FAM184B: variants seen among roughly 807,000 people sequenced by gnomAD.
FAM184B encodes the protein protein FAM184B.
Under a neutral mutation model 135.9 loss-of-function variants are expected in FAM184B, and 111 were observed. That is an observed-to-expected ratio of 0.82 (90% CI 0.70 to 0.96). FAM184B has a LOEUF of 0.96. Ranked by LOEUF, FAM184B falls within the 40% of genes least tolerant of loss-of-function variation. The probability of loss-of-function intolerance (pLI) is 0.00; values close to 1 mark genes in which losing one functional copy is unlikely to be tolerated. For synonymous variants in FAM184B, 552 were observed against 524.8 expected, an observed-to-expected ratio of 1.05 and a Z score of -0.71; for missense variants, 1,375 against 1,323.9, an observed-to-expected ratio of 1.04 and a Z score of -0.60.
chr4:17,695,746 T>C (rs1011156889), intron 5 of FAM184B, among the ~76,000 whole-genome samples: 1 of 152,080 alleles, frequency 6.6e-6, no homozygotes, highest in African/African-American at 2.4e-5. Context: ...TCAGGGACCA[T>C]CTGAGGAGCT....
At chr4:17,735,665 CA>C (rs1191930804) in intron 1 of FAM184B, among the ~76,000 whole-genome samples, 1 of 149,960 alleles carries the variant, frequency 6.7e-6, no homozygotes, top group Non-Finnish European at 1.5e-5. Context: ...CTTCTCTATC[CA>C]ACCGTTCATT....
At chr4:17,741,841 G>C (rs1240267123) in intron 1 of FAM184B, among the ~76,000 whole-genome samples, 1 of 152,150 alleles carries the variant, frequency 6.6e-6, no homozygotes, top group African/African-American at 2.4e-5. Context: ...ATCTAAAATA[G>C]TGTGTTTATA....
intron 7 of FAM184B, 55 bp from the exon 8 acceptor site, chr4:17,664,714 CAGCT>C: frequency 7.3e-7 from 1 of 1,374,090 alleles, no homozygotes; most frequent in East Asian, 2.5e-5. Flanking sequence ...AGCTTAAGTA[CAGCT>C]TCATGATTCA....
At chr4:17,753,183 T>A (rs1718340431) in intron 1 of FAM184B, among the ~76,000 whole-genome samples, 1 of 152,180 alleles carries the variant, frequency 6.6e-6, no homozygotes, top group South Asian at 2.1e-4. Flanking sequence ...CTCCATTACC[T>A]CACACCCATC....
intron 10 of FAM184B, among the ~76,000 whole-genome samples, 176 bp from the exon 11 acceptor site, chr4:17,653,159 C>T (rs1219890502): frequency 6.6e-6 from 1 of 152,208 alleles, no homozygotes; most frequent in Non-Finnish European, 1.5e-5. Context: ...AGCCATTTTG[C>T]ACCAGGTGAA....
At chr4:17,633,632 C>T in intron 17 of FAM184B, 57 bp downstream of exon 17, 1 of 1,362,932 alleles carries the variant, frequency 7.3e-7, no homozygotes, top group Non-Finnish European at 9.6e-7. Flanking sequence ...AATCCTACTT[C>T]CCCTCTTATC....
chr4:17,709,058 G>A lies in FAM184B; in HGVS notation c.728C>T (p.Ala243Val). 6.5e-7 allele frequency: 1 copy of A among 1,550,288 alleles called. No individual in the cohort carries two copies. The highest frequency in any genetic ancestry group is 1.7e-4 in the Middle Eastern group (1 of 5,992). The change falls in exon 2 of 18, where the codon GCC (alanine) becomes GTC (valine). Residue 243 changes from alanine (A) to valine (V), a missense_variant. By Grantham distance (64) the Ala-to-Val change is moderately conservative. Coordinates refer to ENST00000265018, the MANE Select transcript of FAM184B (RefSeq NM_015688.2). ...RQAMQQSVSQALWQWQEKESD... is the reference protein window; with the variant it reads ...RQAMQQSVSQVLWQWQEKESD... ...CTCCTTCTCCTGCCACTGCCACAGG[G>A]CCTGGCTCACCGACTGCTGCATGGC... is the stretch of plus-strand genomic sequence containing the variant.
At chr4:17,709,677 G>T in intron 1 of FAM184B, 33 bp from the exon 2 acceptor site, 1 of 1,462,928 alleles carries the variant, frequency 6.8e-7, no homozygotes, top group Non-Finnish European at 9.0e-7. Flanking sequence ...CAGTTAGGGT[G>T]AGGGGGCTGG....
At chr4:17,691,558 C>T (rs946245430) in intron 6 of FAM184B, among the ~76,000 whole-genome samples, 7 of 151,918 alleles carry the variant, frequency 4.6e-5, no homozygotes, top group East Asian at 3.9e-4. Flanking sequence ...TGGTGGCATG[C>T]GCCTGTAATT....
intron 7 of FAM184B, among the ~76,000 whole-genome samples, chr4:17,668,484 G>T (rs10009933): frequency 0.31 from 47,376 of 152,038 alleles, 7,932 homozygotes; most frequent in Non-Finnish European, 0.37. Context: ...TCCTCTTGAA[G>T]TTCCCATAGC....
intron 14 of FAM184B, 102 bp downstream of exon 14, chr4:17,639,148 C>G (rs1046789558): frequency 2.4e-6 from 3 of 1,266,596 alleles, no homozygotes; most frequent in African/African-American, 1.5e-5. Flanking sequence ...CCAGGACTTT[C>G]AATTTGAAAA....
chr4:17,718,958 A>C (rs1046198128), intron 1 of FAM184B, among the ~76,000 whole-genome samples: 1 of 152,262 alleles, frequency 6.6e-6, no homozygotes, highest in Non-Finnish European at 1.5e-5. Flanking sequence ...TATGTACAGT[A>C]GTTGTCCCTT....
At chr4:17,748,687 T>C (rs1314163667) in intron 1 of FAM184B, among the ~76,000 whole-genome samples, 1 of 151,910 alleles carries the variant, frequency 6.6e-6, no homozygotes, top group Admixed American at 6.6e-5. Context: ...CAGATAATTC[T>C]TTAATTTCTT....
At chr4:17,773,174 T>C (rs1377518442) in intron 1 of FAM184B, among the ~76,000 whole-genome samples, 1 of 151,978 alleles carries the variant, frequency 6.6e-6, no homozygotes, top group Non-Finnish European at 1.5e-5. Flanking sequence ...GGTCTCAGAT[T>C]CCCCCCTTCT....
chr4:17,761,645 G>C (rs1718548365), intron 1 of FAM184B, among the ~76,000 whole-genome samples: 1 of 152,106 alleles, frequency 6.6e-6, no homozygotes, highest in Non-Finnish European at 1.5e-5. Flanking sequence ...TCCTGCCTCA[G>C]CCTCCCAAGC....
chr4:17,693,958 A>C (rs1275332250), intron 5 of FAM184B, among the ~76,000 whole-genome samples: 1 of 152,128 alleles, frequency 6.6e-6, no homozygotes, highest in Non-Finnish European at 1.5e-5. Flanking sequence ...TTTTAAAAAC[A>C]AATACATAAA....
chr4:17,681,646 C>T (rs752458013), intron 7 of FAM184B, among the ~76,000 whole-genome samples: 3 of 152,164 alleles, frequency 2.0e-5, no homozygotes, highest in Non-Finnish European at 4.4e-5. Flanking sequence ...AAATATGGCA[C>T]GGGGTGACTC....
At chr4:17,753,794 C>T (rs569215171) in intron 1 of FAM184B, among the ~76,000 whole-genome samples, 4 of 152,220 alleles carry the variant, frequency 2.6e-5, no homozygotes, top group African/African-American at 7.2e-5. Flanking sequence ...TAAGAGAGGG[C>T]GATCTCTGCA....
intron 1 of FAM184B, among the ~76,000 whole-genome samples, chr4:17,754,423 T>TGGTA (rs1188972864): frequency 1.3e-5 from 2 of 151,852 alleles, no homozygotes; most frequent in African/African-American, 4.8e-5. Flanking sequence ...TGGTAGCGCA[T>TGGTA]GCCTATAATC....
Sources: allele counts gnomAD v4.1 joint callset (sites outside exome capture counted in the v4.1 genomes callset), GRCh38; gene constraint gnomAD v4.1.1; transcripts MANE v1.5; gene names NCBI Gene and HGNC (gene_info 2026-07-23, HGNC 2026-07-21).